COG6: variants seen among roughly 807,000 people sequenced by gnomAD.
The protein encoded by COG6 is conserved oligomeric Golgi complex subunit 6.
In COG6, 74 loss-of-function variants were observed where a neutral mutation model predicts 88.8. That is an observed-to-expected ratio of 0.83 (90% confidence interval 0.69 to 1.01). The LOEUF (loss-of-function observed/expected upper bound fraction) is 1.01. Ranked by LOEUF, COG6 falls within the 50% of genes least tolerant of loss-of-function variation. The pLI is 0.00. For missense variants in COG6, 800 were observed against 797.9 expected (o/e 1.00, Z -0.03); for synonymous variants, 286 against 278.7 (o/e 1.03, Z -0.26).
intron 18 of COG6, among the ~76,000 whole-genome samples, chr13:39,767,734 T>C (rs986788851): frequency 6.6e-6 from 1 of 152,200 alleles, no homozygotes; most frequent in African/African-American, 2.4e-5. Context: ...CCTGCAGTCA[T>C]GTTCCTTTCA....
At chr13:39,679,471 C>A in intron 5 of COG6, 67 bp from the exon 6 acceptor site, 1 of 881,924 alleles carries the variant, frequency 1.1e-6, no homozygotes, top group South Asian at 1.3e-5. Flanking sequence ...TGGTAGTGAC[C>A]TTTCAGTTTT....
intron 10 of COG6, among the ~76,000 whole-genome samples, chr13:39,688,253 GTT>G (rs1876781657): frequency 2.0e-5 from 3 of 152,060 alleles, no homozygotes; most frequent in Admixed American, 6.5e-5. Context: ...TCATGGCACT[GTT>G]TTAAAATTTT....
chr13:39,691,394 T>C (rs963244910), intron 11 of COG6, among the ~76,000 whole-genome samples: 1 of 151,986 alleles, frequency 6.6e-6, no homozygotes, highest in African/African-American at 2.4e-5. Flanking sequence ...TAGGACATTA[T>C]TGTGATCTGC....
At chr13:39,676,000 A>G (rs770985230) in intron 4 of COG6, among the ~76,000 whole-genome samples, 5 of 152,174 alleles carry the variant, frequency 3.3e-5, no homozygotes, top group Non-Finnish European at 7.4e-5. Context: ...GGTAATTACC[A>G]TATCTATCAC....
At chr13:39,678,202 G>A (rs2137984156) in intron 5 of COG6, 1 of 338,752 alleles carries the variant, frequency 3.0e-6, no homozygotes, top group South Asian at 2.3e-5. Flanking sequence ...AGGTAGCTAG[G>A]GTATCCAGGC....
intron 13 of COG6, among the ~76,000 whole-genome samples, chr13:39,707,335 G>A (rs1034285925): frequency 1.3e-5 from 2 of 151,866 alleles, no homozygotes; most frequent in East Asian, 3.9e-4. Flanking sequence ...CACCATGTTG[G>A]CCAGGATGGT....
chr13:39,708,022 C>T (rs542789761), intron 13 of COG6, among the ~76,000 whole-genome samples: 61 of 152,092 alleles, frequency 4.0e-4, no homozygotes, highest in African/African-American at 1.4e-3. Flanking sequence ...TTCAGTTGTT[C>T]CACATTCTCT....
chr13:39,759,225 T>TG (rs1880940127), intron 18 of COG6, among the ~76,000 whole-genome samples: 1 of 152,208 alleles, frequency 6.6e-6, no homozygotes, highest in Non-Finnish European at 1.5e-5. Context: ...TTATATGAAT[T>TG]TTTTCTTAAA....
At chr13:39,709,565 A>C (rs896019204) in intron 13 of COG6, among the ~76,000 whole-genome samples, 3 of 151,668 alleles carry the variant, frequency 2.0e-5, no homozygotes, top group African/African-American at 7.3e-5. Flanking sequence ...TATTTCACCT[A>C]AGATTATGGC....
chr13:39,775,242 G>A (rs929601536), intron 18 of COG6, among the ~76,000 whole-genome samples: 5 of 149,570 alleles, frequency 3.3e-5, no homozygotes, highest in African/African-American at 1.2e-4. Context: ...TTCCTCATTG[G>A]TCAGATGAGG....
chr13:39,737,485 T>C lies in COG6; in HGVS notation c.1826+9937T>C, dbSNP rs186605190. ...CCTGGAGTCAGGAACCTTAGGAATCTATTATATGTGGTGTTCTGTTCTGAG... is the reference window on the plus strand; with the variant it reads ...CCTGGAGTCAGGAACCTTAGGAATCCATTATATGTGGTGTTCTGTTCTGAG... On this transcript the variant is annotated intron_variant, in intron 18 of 18. Transcript: ENST00000455146. Among the ~76,000 whole-genome samples, 11 of 150,592 alleles carry C rather than the reference T, an allele frequency of 7.3e-5. No individual in the cohort carries two copies. In the East Asian group the frequency reaches 2.2e-3, roughly 30 times the overall value.
intron 1 of COG6, chr13:39,656,087 GT>G: frequency 1.4e-6 from 1 of 709,528 alleles, no homozygotes; most frequent in Non-Finnish European, 2.6e-6. Context: ...AAGCGAAGGG[GT>G]TTCCTGGGTG....
intron 15 of COG6, 105 bp downstream of exon 15, chr13:39,719,932 G>C: frequency 2.5e-6 from 2 of 808,356 alleles, no homozygotes; most frequent in Non-Finnish European, 4.1e-6. Flanking sequence ...AATTCCTATA[G>C]ATCCCTTGAT....
chr13:39,697,759 C>T (rs1336116319), intron 12 of COG6, among the ~76,000 whole-genome samples: 1 of 151,944 alleles, frequency 6.6e-6, no homozygotes, highest in African/African-American at 2.4e-5. Context: ...TGGGATTTAT[C>T]TTCTTCACTA....
chr13:39,661,207 T>A (rs1315172034), intron 3 of COG6, among the ~76,000 whole-genome samples: 1 of 152,172 alleles, frequency 6.6e-6, no homozygotes, highest in African/African-American at 2.4e-5. Context: ...TAGGAATAAT[T>A]TCACACTAAA....
intron 18 of COG6, among the ~76,000 whole-genome samples, chr13:39,768,089 T>C (rs1220336525): frequency 2.7e-5 from 4 of 150,810 alleles, no homozygotes; most frequent in African/African-American, 9.8e-5. Context: ...CATTCATTTA[T>C]GTAACTTCTC....
At chr13:39,756,544 T>G (rs184101092), downstream of COG6, among the ~76,000 whole-genome samples, 13 of 152,216 alleles carry the variant, frequency 8.5e-5, no homozygotes, top group Admixed American at 7.2e-4. Flanking sequence ...CCAAGTCGGA[T>G]GAACTAAAAA....
intron 18 of COG6, among the ~76,000 whole-genome samples, chr13:39,735,266 G>T (rs181670539): frequency 6.6e-6 from 1 of 151,560 alleles, no homozygotes; most frequent in Admixed American, 6.6e-5. Context: ...TATATCTGTT[G>T]TATGTTTTTT....
intron 6 of COG6, 165 bp downstream of exon 6, chr13:39,679,785 A>G (rs1469941976): frequency 1.4e-6 from 1 of 696,130 alleles, no homozygotes; most frequent in Non-Finnish European, 2.6e-6. Flanking sequence ...TTTAGGCTAA[A>G]ACAGCAGTTG....
Sources: gnomAD v4.1 joint callset for allele counts (sites outside exome capture counted in the v4.1 genomes callset) on GRCh38, gnomAD v4.1.1 for gene constraint, MANE v1.5 for transcripts, NCBI Gene and HGNC (gene_info 2026-07-23, HGNC 2026-07-21) for gene names.